The following DLGAP1 variants were observed in gnomAD, a reference collection of about 807,000 sequenced individuals.
The protein encoded by DLGAP1 is disks large-associated protein 1.
A neutral mutation model predicts 90.8 loss-of-function variants in DLGAP1; 11 were observed. That is an observed-to-expected ratio of 0.12 (90% CI 0.08 to 0.20). DLGAP1 has a LOEUF of 0.20. Among genes scored for constraint, DLGAP1 ranks in the 10% least tolerant of loss-of-function variants. The pLI, the probability that DLGAP1 is intolerant of heterozygous loss-of-function variation, is 1.00. For missense variants in DLGAP1, 1,050 were observed against 1,333.8 expected (o/e 0.79, Z 3.31); for synonymous variants, 558 against 540.7 (o/e 1.03, Z -0.44).
chr18:3,669,483 T>C (rs2060003002), intron 7 of DLGAP1, among the ~76,000 whole-genome samples: 1 of 152,176 alleles, frequency 6.6e-6, no homozygotes, highest in African/African-American at 2.4e-5. Flanking sequence ...CTGGACGTGT[T>C]GGGAAACACA....
intron 7 of DLGAP1, chr18:3,680,090 T>A (rs574383744): frequency 3.3e-5 from 5 of 152,306 alleles, no homozygotes; most frequent in Admixed American, 3.3e-4. Context: ...GGGGTCTTGG[T>A]CGAGGTTGTA....
rs900716551 is a variant in DLGAP1 at position 4,378,615 on chromosome 18, G to C, written c.-267+76391C>G. Among the ~76,000 whole-genome samples the C allele has an allele frequency of 6.6e-6, 1 of 151,940 alleles. No homozygotes were observed. Among genetic ancestry groups the C allele is most frequent in the East Asian group, 1.9e-4 (1 of 5,166 alleles). On this transcript the variant is annotated intron_variant, in intron 1 of 12. Transcript: ENST00000315677. This position sits in a 1 kb window ranked among gnomAD's most constrained non-coding sequence, Gnocchi z 4.5. Reference sequence around the variant, plus strand: ...TAGAGTGCTTAAGAATCCATGGTGGGGAGGCACACTACACAATTTGAAAGC... The same window carrying C: ...TAGAGTGCTTAAGAATCCATGGTGGCGAGGCACACTACACAATTTGAAAGC...
intron 11 of DLGAP1, among the ~76,000 whole-genome samples, chr18:3,505,587 G>A (rs2050170522): frequency 6.9e-6 from 1 of 144,270 alleles, no homozygotes; most frequent in Admixed American, 7.2e-5. Flanking sequence ...GCAATGAGCT[G>A]AGTTTGCGCC....
intron 1 of DLGAP1, among the ~76,000 whole-genome samples, chr18:4,386,039 T>C (rs1171471274): frequency 1.3e-5 from 2 of 152,180 alleles, no homozygotes; most frequent in Non-Finnish European, 2.9e-5. Flanking sequence ...TGGTGTGGGC[T>C]AAATGAAGTG....
intron 3 of DLGAP1, among the ~76,000 whole-genome samples, chr18:3,894,170 G>A (rs975819630): frequency 2.0e-5 from 3 of 152,150 alleles, no homozygotes; most frequent in Non-Finnish European, 2.9e-5. Flanking sequence ...CATTCTGTAA[G>A]TGGTCTGAGT....
intron 7 of DLGAP1, among the ~76,000 whole-genome samples, chr18:3,658,770 C>T (rs2146562596): frequency 6.6e-6 from 1 of 152,308 alleles, no homozygotes; most frequent in African/African-American, 2.4e-5. Flanking sequence ...TCAAGTTTTT[C>T]AGCCATATTC....
At chr18:3,592,384 C>A (rs140209585) in intron 7 of DLGAP1, among the ~76,000 whole-genome samples, 1 of 152,210 alleles carries the variant, frequency 6.6e-6, no homozygotes, top group Admixed American at 6.5e-5. Flanking sequence ...GACAAATCAG[C>A]GGTCTGGCTG....
At chr18:4,042,696 T>A (rs1568366032) in intron 2 of DLGAP1, among the ~76,000 whole-genome samples, 2 of 152,194 alleles carry the variant, frequency 1.3e-5, no homozygotes, top group Non-Finnish European at 2.9e-5. Context: ...GCCGAGATCA[T>A]GCCACCGCAT....
chr18:3,573,126 G>A (rs2054904214), intron 8 of DLGAP1, among the ~76,000 whole-genome samples: 2 of 152,038 alleles, frequency 1.3e-5, no homozygotes, highest in Admixed American at 1.3e-4. Context: ...ATGTATTTTT[G>A]TAAGCATGTT....
At chr18:3,866,973 C>A (rs1477349841) in intron 4 of DLGAP1, among the ~76,000 whole-genome samples, 1 of 152,064 alleles carries the variant, frequency 6.6e-6, no homozygotes, top group East Asian at 1.9e-4. Flanking sequence ...GCCTCAGCTT[C>A]CCAAGGACCT....
At chr18:4,292,936 T>C (rs1018114812) in intron 1 of DLGAP1, among the ~76,000 whole-genome samples, 2 of 152,192 alleles carry the variant, frequency 1.3e-5, no homozygotes, top group Admixed American at 1.3e-4. Flanking sequence ...GCAGAGAAGA[T>C]CCATTATAGT....
intron 2 of DLGAP1, among the ~76,000 whole-genome samples, chr18:4,092,246 T>C (rs1281113470): frequency 6.6e-6 from 1 of 152,156 alleles, no homozygotes; most frequent in Non-Finnish European, 1.5e-5. Flanking sequence ...TCTTCCTTGC[T>C]CTCCCCACTC....
rs1255491758 is a variant in DLGAP1, at chr18:3,833,129, G to GATTC, written c.958-18860_958-18857dup. 4.7e-4 allele frequency among the ~76,000 whole-genome samples: 62 copies of GATTC among 131,512 alleles called. 4 individuals carry two copies. The highest frequency in any genetic ancestry group is 3.8e-4 in the African/African-American group (12 of 31,802). 86.3% of individuals were successfully genotyped at this position (131,512 alleles called of 152,430 possible). ...TTCTTTAATTTTCTATGAATTATAA[G>GATTC]ATTCCTTCCTTCCTTCCTTCCTTCC... On this transcript the variant is annotated intron_variant, in intron 4 of 12. Transcript: ENST00000315677.
chr18:4,377,774 T>C (rs568193718), intron 1 of DLGAP1, among the ~76,000 whole-genome samples: 1 of 152,200 alleles, frequency 6.6e-6, no homozygotes, highest in South Asian at 2.1e-4. Context: ...TCTCATACAC[T>C]GTTGGTGGCA....
At chr18:3,509,686 G>A (rs947780837) in intron 10 of DLGAP1, among the ~76,000 whole-genome samples, 1 of 152,134 alleles carries the variant, frequency 6.6e-6, no homozygotes, top group Admixed American at 6.5e-5. Context: ...CTGAATTTAC[G>A]GAGCCAGGTA....
In DLGAP1 at chr18:3,600,771, T is replaced by TATAGATAC. The variant is rs1323237408; in HGVS notation, c.1592-18524_1592-18523insGTATCTAT. Among the ~76,000 whole-genome samples, 23 of 124,252 alleles carry TATAGATAC rather than the reference T, an allele frequency of 1.9e-4. 4 individuals carry two copies. Among genetic ancestry groups the TATAGATAC allele is most frequent in the African/African-American group, 6.9e-4 (20 of 29,132 alleles). The allele number at this position is 124,252 out of a possible 152,430, so 81.5% of individuals were successfully genotyped here. A position where few individuals can be genotyped will look rare whatever the true frequency, so the allele number is the denominator to read the frequency against. ...AGATATATATAGATATATAGATATA[T>TATAGATAC]ATAGATATATAGATATATATAGATA... On this transcript the variant is annotated intron_variant, in intron 7 of 12. Transcript: ENST00000315677.
At chr18:4,328,461 T>C (rs948081277) in intron 1 of DLGAP1, among the ~76,000 whole-genome samples, 8 of 152,084 alleles carry the variant, frequency 5.3e-5, no homozygotes, top group Middle Eastern at 6.8e-3. Flanking sequence ...GATGGGCACT[T>C]AGAGTTGTTT....
At position 3,504,527 on chromosome 18, in the gene DLGAP1, G is replaced by GGT. The variant is rs1201478628; in HGVS notation, c.2572-1884_2572-1883dup. ...AGCCTCCTGAGTAACTGGGATTACA[G>GGT]GTGTGTGCCACCATGCCTGGCTAAT... On this transcript the variant is annotated intron_variant, in intron 11 of 12. Transcript: ENST00000315677. Among the ~76,000 whole-genome samples, 14 of 152,212 alleles carry GGT rather than the reference G, an allele frequency of 9.2e-5. No homozygotes were observed. The South Asian group carries it at 2.9e-3, about 32-fold the overall frequency.
At chr18:4,423,368 T>C (rs1199744202) in intron 1 of DLGAP1, among the ~76,000 whole-genome samples, 3 of 152,176 alleles carry the variant, frequency 2.0e-5, no homozygotes, top group Non-Finnish European at 4.4e-5. Context: ...ATTTAACAAC[T>C]ATGAAATTGA....
Sources: allele counts gnomAD v4.1 joint callset (sites outside exome capture counted in the v4.1 genomes callset), GRCh38; gene constraint gnomAD v4.1.1; non-coding constraint Gnocchi (gnomAD v3.1); transcripts MANE v1.5; gene names NCBI Gene and HGNC (gene_info 2026-07-23, HGNC 2026-07-21).